Variants in GRID2 observed in about 807,000 individuals in gnomAD.
GRID2 encodes the protein glutamate ionotropic receptor delta type subunit 2.
Under a neutral mutation model 114.8 loss-of-function variants are expected in GRID2, and 33 were observed. The observed-to-expected ratio is 0.29, with a 90% CI of 0.22 to 0.38. GRID2 has a LOEUF of 0.38. Ranked by LOEUF, GRID2 falls within the 10% of genes least tolerant of loss-of-function variation. GRID2 has a pLI of 1.00. For synonymous variants in GRID2, 505 were observed against 449.9 expected (o/e 1.12, Z -1.55); for missense variants, 1,184 against 1,257.7 (o/e 0.94, Z 0.89).
At chr4:92,638,289 C>T (rs1731173321) in intron 2 of GRID2, among the ~76,000 whole-genome samples, 1 of 151,596 alleles carries the variant, frequency 6.6e-6, no homozygotes, top group Non-Finnish European at 1.5e-5. Context: ...AGAGAACAAA[C>T]TCTGTAACCA....
At chr4:93,727,520 T>A (rs975111537) in intron 14 of GRID2, among the ~76,000 whole-genome samples, 4 of 152,352 alleles carry the variant, frequency 2.6e-5, no homozygotes, top group Admixed American at 2.0e-4. Flanking sequence ...TACGGAGGAT[T>A]CCCTCTTTTT....
chr4:93,747,719 A>G (rs1023511189), intron 14 of GRID2, among the ~76,000 whole-genome samples: 1 of 152,132 alleles, frequency 6.6e-6, no homozygotes, highest in East Asian at 1.9e-4. Flanking sequence ...ATCACATACT[A>G]AAAATCAATG....
In GRID2 at chr4:92,740,730, AGATAGATAGATG is replaced by A. The variant is rs1459850762; in HGVS notation, c.244+150456_244+150467del. Reference sequence around the variant, plus strand: ...TAGATAGATAGATAGATAGATAGATAGATAGATAGATGGATAGATAGATAGACAGATAGATAG... The same window carrying A: ...TAGATAGATAGATAGATAGATAGATAGATAGATAGATAGACAGATAGATAG... On this transcript the variant is annotated intron_variant, in intron 2 of 15. Coordinates refer to ENST00000282020, the MANE Select transcript of GRID2 (RefSeq NM_001510.4). Among the ~76,000 whole-genome samples, 926 of 139,166 alleles carry A rather than the reference AGATAGATAGATG, an allele frequency of 6.7e-3. 10 individuals are homozygous for A. The highest frequency in any genetic ancestry group is 0.024 in the African/African-American group (842 of 34,532). 91.3% of individuals were successfully genotyped at this position (139,166 alleles called of 152,430 possible).
intron 1 of GRID2, among the ~76,000 whole-genome samples, chr4:92,418,512 A>T (rs923432191): frequency 2.6e-5 from 4 of 152,046 alleles, no homozygotes; most frequent in African/African-American, 7.2e-5. Context: ...ATGGTGATAG[A>T]AGTAGATGAG....
chr4:92,378,172 T>TA (rs1166913666), intron 1 of GRID2, among the ~76,000 whole-genome samples: 1 of 151,922 alleles, frequency 6.6e-6, no homozygotes, highest in East Asian at 1.9e-4. Flanking sequence ...AGTACTTAAT[T>TA]AAAAAAACTA....
intron 2 of GRID2, among the ~76,000 whole-genome samples, chr4:92,718,147 C>G (rs1437526337): frequency 6.6e-6 from 1 of 151,940 alleles, no homozygotes; most frequent in Non-Finnish European, 1.5e-5. Context: ...CCCACAAATA[C>G]AATCTCATAA....
intron 1 of GRID2, among the ~76,000 whole-genome samples, chr4:92,588,541 C>T (rs567314980): frequency 2.6e-4 from 40 of 151,416 alleles, no homozygotes; most frequent in African/African-American, 7.3e-4. Context: ...TAGCTGGGCG[C>T]GGTGGCAGGT....
chr4:92,890,357 AATCT>A (rs1214925908), intron 2 of GRID2, among the ~76,000 whole-genome samples: 2 of 152,232 alleles, frequency 1.3e-5, no homozygotes, highest in African/African-American at 4.8e-5. Context: ...AAATTTTTGC[AATCT>A]ATCCATCTGA....
intron 2 of GRID2, among the ~76,000 whole-genome samples, chr4:92,671,177 T>C (rs1361880135): frequency 6.6e-6 from 1 of 151,998 alleles, no homozygotes; most frequent in Admixed American, 6.6e-5. Flanking sequence ...GAAGCAAACA[T>C]GTCTTACCAT....
chr4:92,855,168 A>G (rs191566529), intron 2 of GRID2, among the ~76,000 whole-genome samples: 42 of 152,150 alleles, frequency 2.8e-4, no homozygotes, highest in South Asian at 6.2e-4. Context: ...CTAGTGACAG[A>G]ATGACAAATG....
At chr4:93,265,031 T>G (rs1750665796) in intron 8 of GRID2, among the ~76,000 whole-genome samples, 1 of 151,796 alleles carries the variant, frequency 6.6e-6, no homozygotes, top group Non-Finnish European at 1.5e-5. Context: ...TCTGCCCACC[T>G]CAGCCTCCCA....
intron 2 of GRID2, among the ~76,000 whole-genome samples, chr4:92,875,149 GTTTTTTTTTTTTTT>G (rs36120160): frequency 1.2e-5 from 1 of 84,992 alleles, no homozygotes; most frequent in African/African-American, 4.5e-5. Context: ...AACTCAAAAG[GTTTTTTTTTTTTTT>G]TTTTTTTTTT....
rs1397600291 is a variant in GRID2 at position 93,644,294 on chromosome 4, T to C, written c.2360+17859T>C. On this transcript the variant is annotated intron_variant, in intron 14 of 15. Coordinates refer to ENST00000282020, the MANE Select transcript of GRID2 (RefSeq NM_001510.4). ...CTTCTGCGTCGCTCACGCTGGGAGC[T>C]GTAGACCGGAGCTGTTCCTATTCGG... 4.2e-5 allele frequency among the ~76,000 whole-genome samples: 2 copies of C among 48,134 alleles called. 1 individual carries two copies. The highest frequency in any genetic ancestry group is 4.2e-4 in the African/African-American group (2 of 4,784). The allele number at this position is 48,134 out of a possible 152,430, so 31.6% of individuals were successfully genotyped here. A position where few individuals can be genotyped will look rare whatever the true frequency, so the allele number is the denominator to read the frequency against.
At chr4:93,678,272 G>A (rs994830490) in intron 14 of GRID2, among the ~76,000 whole-genome samples, 1 of 152,114 alleles carries the variant, frequency 6.6e-6, no homozygotes, top group South Asian at 2.1e-4. Context: ...AAATATGGGA[G>A]TATGTGAAAA....
At chr4:92,741,709 G>A (rs1736901764) in intron 2 of GRID2, among the ~76,000 whole-genome samples, 1 of 152,114 alleles carries the variant, frequency 6.6e-6, no homozygotes, top group Admixed American at 6.6e-5. Flanking sequence ...CCGTTCAAAT[G>A]TTTTCAAACA....
intron 2 of GRID2, among the ~76,000 whole-genome samples, chr4:92,748,197 T>C (rs1461395381): frequency 6.6e-6 from 1 of 152,138 alleles, no homozygotes; most frequent in East Asian, 1.9e-4. Flanking sequence ...ATCTCAATAT[T>C]TAAGGCATGT....
intron 1 of GRID2, among the ~76,000 whole-genome samples, chr4:92,446,192 C>A (rs572480281): frequency 1.3e-5 from 2 of 152,132 alleles, no homozygotes; most frequent in Admixed American, 6.6e-5. Context: ...AGTGATCAGG[C>A]CACCTCAACT....
chr4:92,490,130 C>T (rs564339706), intron 1 of GRID2, among the ~76,000 whole-genome samples: 1 of 152,130 alleles, frequency 6.6e-6, no homozygotes, highest in South Asian at 2.1e-4. Flanking sequence ...GTTACTCATG[C>T]TTTATAGTAA....
rs749201432 is a variant in GRID2 at position 92,502,377 on chromosome 4, AGAT to A, written c.89-87750_89-87748del. On this transcript the variant is annotated intron_variant, in intron 1 of 15. Transcript: ENST00000282020. ...AAATGCAAATTTTCTTGAGAACTGC[AGAT>A]GATTTCAACTCTCGGTAATGTTGTT... is the stretch of plus-strand genomic sequence containing the variant. Among the ~76,000 whole-genome samples the A allele has an allele frequency of 9.3e-4, 141 of 152,240 alleles. 2 individuals carry two copies. The highest frequency in any genetic ancestry group is 7.3e-3 in the Admixed American group (111 of 15,276).
Sources: allele counts gnomAD v4.1 joint callset (sites outside exome capture counted in the v4.1 genomes callset), GRCh38; gene constraint gnomAD v4.1.1; transcripts MANE v1.5; gene names NCBI Gene and HGNC (gene_info 2026-07-23, HGNC 2026-07-21).